MYO5B: variants seen among roughly 807,000 people sequenced by gnomAD.
MYO5B encodes myosin VB.
MYO5B carries 143 observed loss-of-function variants against 229.3 expected under a neutral mutation model. That is an observed-to-expected ratio of 0.62 (90% confidence interval 0.54 to 0.72). MYO5B has a LOEUF of 0.72. Among genes scored for constraint, MYO5B ranks in the 30% least tolerant of loss-of-function variants. The pLI, the probability that MYO5B is intolerant of heterozygous loss-of-function variation, is 0.00. For missense variants in MYO5B, 2,321 were observed against 2,331.0 expected, an observed-to-expected ratio of 1.00 and a Z score of 0.09; for synonymous variants, 918 against 885.2, an observed-to-expected ratio of 1.04 and a Z score of -0.66.
Position 49,826,495 on chromosome 18 carries a change from A to T in MYO5B, c.5523T>A (p.Asn1841Lys). 1 of 1,614,074 alleles carries T rather than the reference A, an allele frequency of 6.2e-7. No individual in the cohort carries two copies. The highest frequency in any genetic ancestry group is 8.5e-7 in the Non-Finnish European group (1 of 1,179,942). Reference sequence around the variant, plus strand: ...TTCAGACTTCATTGAGGAATTCCAGATTGAGACACGCTGGGATGTGGATTG... The same window carrying T: ...TTCAGACTTCATTGAGGAATTCCAGTTTGAGACACGCTGGGATGTGGATTG... The part of the protein sequence containing the change: ...MDSIHIPACL[N>K]LEFLNEV The change falls in exon 40 of 40, where the codon AAT (asparagine) becomes AAA (lysine). Residue 1841 changes from asparagine (N) to lysine (K), a missense_variant. This residue lies in a region of MYO5B where 208 missense variants were observed against 286.3 expected (regional missense o/e 0.73). Coordinates refer to ENST00000285039, the MANE Select transcript of MYO5B (RefSeq NM_001080467.3).
At chr18:50,000,425 A>C (rs1255229810) in intron 5 of MYO5B, among the ~76,000 whole-genome samples, 1 of 152,212 alleles carries the variant, frequency 6.6e-6, no homozygotes, top group Non-Finnish European at 1.5e-5. Flanking sequence ...GCCTGCTCCT[A>C]CCAACTGTAA....
intron 18 of MYO5B, among the ~76,000 whole-genome samples, chr18:49,908,511 G>T (rs1354571924): frequency 2.0e-5 from 3 of 152,112 alleles, no homozygotes; most frequent in Admixed American, 6.5e-5. Context: ...AATATCAAAG[G>T]ATAACCCCAG....
chr18:49,828,055 G>C (rs1338120506), intron 39 of MYO5B, among the ~76,000 whole-genome samples: 1 of 152,148 alleles, frequency 6.6e-6, no homozygotes, highest in African/African-American at 2.4e-5. Context: ...CCTATAGATA[G>C]AAAAAGTTGT....
chr18:49,886,046 C>A (rs1598857112), intron 22 of MYO5B, among the ~76,000 whole-genome samples: 1 of 152,026 alleles, frequency 6.6e-6, no homozygotes, highest in Admixed American at 6.5e-5. Flanking sequence ...CTCTGGTGAT[C>A]CTCCCACCTC....
At chr18:50,174,357 C>T (rs1006701229) in intron 1 of MYO5B, among the ~76,000 whole-genome samples, 1 of 152,168 alleles carries the variant, frequency 6.6e-6, no homozygotes. Context: ...CCATCAGCCC[C>T]CATCAGCCCC....
chr18:49,979,880 TA>T (rs1242898729), intron 9 of MYO5B, among the ~76,000 whole-genome samples: 2 of 152,326 alleles, frequency 1.3e-5, no homozygotes, highest in East Asian at 3.9e-4. Flanking sequence ...CTTAGACATT[TA>T]CCTACCACAT....
At chr18:49,955,306 C>CAA (rs1315957983) in intron 12 of MYO5B, among the ~76,000 whole-genome samples, 3 of 152,188 alleles carry the variant, frequency 2.0e-5, no homozygotes, top group Admixed American at 2.0e-4. Flanking sequence ...GAAAATGTAA[C>CAA]AGAGTCACCG....
rs563435357 is a variant in MYO5B, at chr18:49,888,647, T to C, written c.3045+6294A>G. 9.9e-5 allele frequency among the ~76,000 whole-genome samples: 15 copies of C among 152,258 alleles called. No homozygotes were observed. The South Asian group carries it at 2.9e-3, about 30-fold the overall frequency. ...CTTGTGAATGGCTTCTCTTCCTTTG[T>C]CCTCAGGAAACACTGAACTCCTCTT... On this transcript the variant is annotated intron_variant, in intron 22 of 39. Coordinates refer to ENST00000285039, the MANE Select transcript of MYO5B (RefSeq NM_001080467.3).
chr18:49,995,113 C>T (rs1026318101), intron 5 of MYO5B, among the ~76,000 whole-genome samples: 2 of 152,288 alleles, frequency 1.3e-5, no homozygotes, highest in East Asian at 1.9e-4. Context: ...ACCTACACGG[C>T]GTCACAGCAC....
At chr18:49,976,525 AAGAG>A (rs2025753280) in intron 9 of MYO5B, among the ~76,000 whole-genome samples, 1 of 152,228 alleles carries the variant, frequency 6.6e-6, no homozygotes, top group Non-Finnish European at 1.5e-5. Context: ...ATGTAGCACC[AAGAG>A]ATAGATATTT....
chr18:49,994,431 C>T (rs1379217358), intron 5 of MYO5B, among the ~76,000 whole-genome samples: 1 of 152,218 alleles, frequency 6.6e-6, no homozygotes, highest in East Asian at 1.9e-4. Context: ...CAGTTGGAGT[C>T]ACAATATACA....
chr18:49,878,888 G>T (rs748988967), intron 24 of MYO5B, 57 bp downstream of exon 24: 23 of 1,605,138 alleles, frequency 1.4e-5, no homozygotes, highest in Non-Finnish European at 1.8e-5. Context: ...CACGTGGTCA[G>T]AAGCTGGACA....
chr18:50,181,598 A>G (rs1283950230), intron 1 of MYO5B, among the ~76,000 whole-genome samples: 1 of 152,258 alleles, frequency 6.6e-6, no homozygotes, highest in African/African-American at 2.4e-5. Flanking sequence ...GTTTGAAGCC[A>G]GTTTCATAAG....
At chr18:49,916,428 A>G (rs2025015027) in intron 17 of MYO5B, among the ~76,000 whole-genome samples, 1 of 152,170 alleles carries the variant, frequency 6.6e-6, no homozygotes, top group Non-Finnish European at 1.5e-5. Context: ...TGGAGAGAAC[A>G]TCACCCACCT....
chr18:49,905,390 T>C (rs2024888153), intron 19 of MYO5B, among the ~76,000 whole-genome samples: 2 of 152,158 alleles, frequency 1.3e-5, no homozygotes. Context: ...CTCTCTTGCC[T>C]TTCTGCCTTC....
intron 1 of MYO5B, among the ~76,000 whole-genome samples, chr18:50,107,109 CTTTTTTTTTTT>C (rs71169479): frequency 3.2e-4 from 18 of 56,648 alleles, no homozygotes; most frequent in South Asian, 9.0e-4. Context: ...CTTAGGGTGC[CTTTTTTTTTTT>C]TTTTTTTTTT....
At chr18:50,064,365 CA>C (rs1282101982) in intron 1 of MYO5B, 3 of 152,234 alleles carry the variant, frequency 2.0e-5, no homozygotes, top group African/African-American at 7.2e-5. Context: ...AAGATTTCCT[CA>C]AAGCTAATGC....
At chr18:50,055,225 G>GGGCCCCCGC in intron 2 of MYO5B, 43 bp downstream of exon 2, 1 of 700,374 alleles carries the variant, frequency 1.4e-6, no homozygotes, top group Non-Finnish European at 2.7e-6. Context: ...TGAGCTCCCT[G>GGGCCCCCGC]CCCCACCTCA....
chr18:49,932,012 G>A (rs2025198601), intron 16 of MYO5B, among the ~76,000 whole-genome samples: 2 of 152,160 alleles, frequency 1.3e-5, no homozygotes, highest in South Asian at 4.1e-4. Context: ...GGAGCATCTG[G>A]GACCCTTAGG....
Sources: gnomAD v4.1 joint callset for allele counts (sites outside exome capture counted in the v4.1 genomes callset) on GRCh38, gnomAD v4.1.1 for gene constraint, gnomAD v4.1.1 regional missense constraint, MANE v1.5 for transcripts, NCBI Gene and HGNC (gene_info 2026-07-23, HGNC 2026-07-21) for gene names.